UBE3D: variants seen among roughly 807,000 people sequenced by gnomAD.
UBE3D encodes the protein ubiquitin protein ligase E3D, also known as E3 ubiquitin-protein ligase E3D.
In UBE3D, 48 loss-of-function variants were observed where a neutral mutation model predicts 49.6. The observed-to-expected ratio is 0.97, with a 90% CI of 0.77 to 1.23. The LOEUF is 1.23. UBE3D is among the 50% of genes most tolerant of loss of function. The pLI, the probability that UBE3D is intolerant of heterozygous loss-of-function variation, is 0.00. For synonymous variants in UBE3D, 189 were observed against 174.2 expected (o/e 1.08, Z -0.67); for missense variants, 452 against 468.4 (o/e 0.96, Z 0.32).
intron 9 of UBE3D, among the ~76,000 whole-genome samples, chr6:82,919,037 T>C (rs900037333): frequency 5.3e-5 from 8 of 152,106 alleles, no homozygotes; most frequent in African/African-American, 1.9e-4. Context: ...CATCTCCTGG[T>C]GTTTTGGTAA....
intron 4 of UBE3D, among the ~76,000 whole-genome samples, chr6:83,042,982 G>A (rs1782777113): frequency 1.3e-5 from 2 of 152,228 alleles, no homozygotes; most frequent in African/African-American, 2.4e-5. Flanking sequence ...AGGCTAACTT[G>A]AAGAAAATCT....
At chr6:83,056,798 G>A (rs939373868) in intron 2 of UBE3D, among the ~76,000 whole-genome samples, 7 of 152,206 alleles carry the variant, frequency 4.6e-5, no homozygotes, top group Non-Finnish European at 1.5e-5. Flanking sequence ...TCCACACAGC[G>A]CAGATGAAAG....
At chr6:83,034,107 C>A (rs1001183596) in intron 5 of UBE3D, among the ~76,000 whole-genome samples, 5 of 152,038 alleles carry the variant, frequency 3.3e-5, no homozygotes, top group Non-Finnish European at 7.4e-5. Flanking sequence ...TTAAAATTGT[C>A]CAGTTTTGTA....
chr6:83,020,021 G>C (rs1379285518), intron 7 of UBE3D, among the ~76,000 whole-genome samples: 1 of 152,222 alleles, frequency 6.6e-6, no homozygotes, highest in Non-Finnish European at 1.5e-5. Flanking sequence ...GGGAATGGGT[G>C]CATCAACCCA....
chr6:82,892,014 C>CA (rs34108279), downstream of UBE3D, among the ~76,000 whole-genome samples: 15,087 of 147,444 alleles, frequency 0.1, 1,033 homozygotes, highest in Non-Finnish European at 0.15. Context: ...AATTCCATCT[C>CA]AAAAAAAAAA....
intron 8 of UBE3D, among the ~76,000 whole-genome samples, chr6:82,996,600 G>T (rs1779258402): frequency 6.6e-6 from 1 of 152,096 alleles, no homozygotes; most frequent in Admixed American, 6.6e-5. Flanking sequence ...GAGTAGCTTG[G>T]TGGAAAAACC....
Position 83,065,750 on chromosome 6 carries a change from T to C in UBE3D, c.-32A>G. Reference sequence around the variant, plus strand: ...CTTCCAGTCCCAGACCGGACCAAGCTGGAGGTTCCGAGGGGCCCGGGTCAA... The same window carrying C: ...CTTCCAGTCCCAGACCGGACCAAGCCGGAGGTTCCGAGGGGCCCGGGTCAA... On this transcript the variant is annotated 5_prime_UTR_variant, in exon 1 of 10. Transcript: ENST00000369747. 1.3e-6 allele frequency: 2 copies of C among 1,593,806 alleles called. No homozygotes were observed. The highest frequency in any genetic ancestry group is 4.6e-5 in the East Asian group (2 of 43,198).
intron 9 of UBE3D, among the ~76,000 whole-genome samples, chr6:82,954,763 A>C (rs1295349938): frequency 6.6e-6 from 1 of 152,190 alleles, no homozygotes. Context: ...TGGTACAAAG[A>C]TGAAAAAGCA....
intron 9 of UBE3D, among the ~76,000 whole-genome samples, chr6:82,923,628 T>A (rs1441158805): frequency 6.6e-6 from 1 of 152,142 alleles, no homozygotes; most frequent in Non-Finnish European, 1.5e-5. Flanking sequence ...GACGGGTTGA[T>A]TGGTGTAGCA....
At chr6:82,893,256 C>A (rs1392282468) in intron 9 of UBE3D, among the ~76,000 whole-genome samples, 1 of 152,064 alleles carries the variant, frequency 6.6e-6, no homozygotes, top group Non-Finnish European at 1.5e-5. Flanking sequence ...AGATGATTCA[C>A]ACGCATTTTA....
intron 8 of UBE3D, among the ~76,000 whole-genome samples, chr6:82,990,426 C>T (rs924071358): frequency 3.3e-5 from 5 of 151,906 alleles, no homozygotes; most frequent in African/African-American, 7.2e-5. Context: ...TGCAGGTATG[C>T]ACCAGCACAC....
chr6:83,019,257 G>T, intron 7 of UBE3D, 121 bp from the exon 8 acceptor site: 3 of 924,692 alleles, frequency 3.2e-6, no homozygotes, highest in Non-Finnish European at 4.4e-6. Flanking sequence ...TGAGAATCAT[G>T]TACATAATTT....
intron 1 of UBE3D, 76 bp downstream of exon 1, chr6:83,065,566 G>A: frequency 7.2e-7 from 1 of 1,392,648 alleles, no homozygotes; most frequent in Non-Finnish European, 1.0e-6. Context: ...CTCGTACAGA[G>A]AGAGACTCAC....
chr6:82,903,462 G>GA (rs1184376370), intron 9 of UBE3D, among the ~76,000 whole-genome samples: 2 of 152,154 alleles, frequency 1.3e-5, no homozygotes, highest in African/African-American at 4.8e-5. Flanking sequence ...ATATTGGCCT[G>GA]AAATCTTGGG....
chr6:83,026,753 T>G (rs1424557969), intron 5 of UBE3D, among the ~76,000 whole-genome samples: 1 of 152,044 alleles, frequency 6.6e-6, no homozygotes, highest in East Asian at 1.9e-4. Context: ...GGTGCAGTGG[T>G]GTGATCACAG....
intron 9 of UBE3D, among the ~76,000 whole-genome samples, chr6:82,895,297 G>A (rs554492976): frequency 6.2e-4 from 95 of 152,244 alleles, no homozygotes; most frequent in Admixed American, 3.5e-3. Context: ...GCTGACAGAC[G>A]GAGAGTCTGT....
chr6:82,962,446 G>A (rs1041661324), intron 8 of UBE3D, among the ~76,000 whole-genome samples: 1 of 152,130 alleles, frequency 6.6e-6, no homozygotes, highest in African/African-American at 2.4e-5. Flanking sequence ...TTGGAGTCAG[G>A]TATACAACCT....
intron 8 of UBE3D, among the ~76,000 whole-genome samples, chr6:82,978,762 C>T (rs891550999): frequency 6.6e-6 from 1 of 152,158 alleles, no homozygotes; most frequent in Non-Finnish European, 1.5e-5. Flanking sequence ...ATACACACAA[C>T]GCACCCATCC....
At chr6:82,967,254 A>G (rs1429152421) in intron 8 of UBE3D, among the ~76,000 whole-genome samples, 1 of 152,222 alleles carries the variant, frequency 6.6e-6, no homozygotes, top group African/African-American at 2.4e-5. Context: ...ATTCTGGATA[A>G]CTACATCAAC....
Sources: gnomAD v4.1 joint callset for allele counts (sites outside exome capture counted in the v4.1 genomes callset) on GRCh38, gnomAD v4.1.1 for gene constraint, MANE v1.5 for transcripts, NCBI Gene and HGNC (gene_info 2026-07-23, HGNC 2026-07-21) for gene names.